The following CPQ variants were observed in gnomAD, a reference collection of about 807,000 sequenced individuals.
CPQ encodes carboxypeptidase Q.
Under a neutral mutation model 45.7 loss-of-function variants are expected in CPQ, and 37 were observed. The ratio of observed to expected loss-of-function variants is 0.81; its 90% CI spans 0.62 to 1.07. The LOEUF (loss-of-function observed/expected upper bound fraction) is 1.07. Ranked by LOEUF, CPQ falls within the 50% of genes least tolerant of loss-of-function variation. The pLI is 0.00. For missense variants in CPQ, 537 were observed against 572.9 expected (o/e 0.94, Z 0.64); for synonymous variants, 186 against 205.8 (o/e 0.90, Z 0.82).
At chr8:96,819,731 G>A (rs1811276466) in intron 2 of CPQ, among the ~76,000 whole-genome samples, 1 of 152,042 alleles carries the variant, frequency 6.6e-6, no homozygotes. Flanking sequence ...CTGTTGCCAT[G>A]ACCTTTGCTC....
In CPQ at chr8:96,862,249, C is replaced by G. The variant is rs922339153; in HGVS notation, c.642-17549C>G. Among the ~76,000 whole-genome samples the G allele has an allele frequency of 7.3e-5, 11 of 149,852 alleles. No homozygotes were observed. In the Admixed American group the frequency reaches 7.3e-4, roughly 10 times the overall value. On this transcript the variant is annotated intron_variant, in intron 3 of 7. Coordinates refer to ENST00000220763, the MANE Select transcript of CPQ (RefSeq NM_016134.4). ...CCTTTCTAAATCTCAGATTACTCAT[C>G]TTTAATATGGGGACAATAATATTGA...
intron 4 of CPQ, among the ~76,000 whole-genome samples, chr8:96,929,226 AG>A (rs2130917169): frequency 1.3e-5 from 2 of 152,302 alleles, no homozygotes; most frequent in South Asian, 4.1e-4. Flanking sequence ...ACCCTTTCAA[AG>A]GCAAAGGAAT....
intron 7 of CPQ, among the ~76,000 whole-genome samples, chr8:97,087,407 G>T (rs1469843709): frequency 6.6e-6 from 1 of 152,056 alleles, no homozygotes; most frequent in Non-Finnish European, 1.5e-5. Context: ...TGCCGACTTG[G>T]GGGGTCAAGG....
At chr8:97,139,534 T>C (rs1417441074) in intron 7 of CPQ, among the ~76,000 whole-genome samples, 6 of 152,100 alleles carry the variant, frequency 3.9e-5, no homozygotes, top group Admixed American at 1.3e-4. Context: ...AAAGAATCTA[T>C]ATCATACAGC....
chr8:96,755,001 C>G (rs1390608832), intron 1 of CPQ, among the ~76,000 whole-genome samples: 1 of 151,990 alleles, frequency 6.6e-6, no homozygotes, highest in Non-Finnish European at 1.5e-5. Context: ...AAATTCATCA[C>G]TGTTCACCCT....
chr8:96,713,533 G>A (rs1809639908), intron 1 of CPQ, among the ~76,000 whole-genome samples: 2 of 152,194 alleles, frequency 1.3e-5, no homozygotes, highest in Admixed American at 6.5e-5. Flanking sequence ...AGCAAGAAGT[G>A]CAGAGTGAAG....
chr8:96,940,524 A>G (rs1813111774), intron 4 of CPQ, among the ~76,000 whole-genome samples: 1 of 152,120 alleles, frequency 6.6e-6, no homozygotes, highest in African/African-American at 2.4e-5. Flanking sequence ...ATTCACTAAA[A>G]CCCAGTGGAG....
At chr8:97,004,502 T>C (rs1809345434) in intron 5 of CPQ, among the ~76,000 whole-genome samples, 1 of 152,080 alleles carries the variant, frequency 6.6e-6, no homozygotes, top group Non-Finnish European at 1.5e-5. Flanking sequence ...CAATACTGTA[T>C]ACATCAAGAG....
intron 1 of CPQ, among the ~76,000 whole-genome samples, chr8:96,714,444 C>A (rs1286498023): frequency 6.6e-6 from 1 of 152,136 alleles, no homozygotes; most frequent in Non-Finnish European, 1.5e-5. Flanking sequence ...CTTTCCTCTG[C>A]ATTTTGTAAT....
rs200886695 is a variant in CPQ at position 96,720,276 on chromosome 8, T to TA, written c.-34-64580dup. Among the ~76,000 whole-genome samples, 71 of 152,222 alleles carry TA rather than the reference T, an allele frequency of 4.7e-4. 1 individual carries two copies. The South Asian group carries it at 1.0e-2, about 21-fold the overall frequency. On this transcript the variant is annotated intron_variant, in intron 1 of 7. Transcript: ENST00000220763. ...GATTGGTTTCTATTGATTACTTTTT[T>TA]AAAAAAAACTGTGGATCACGTGTTC...
intron 5 of CPQ, among the ~76,000 whole-genome samples, chr8:97,003,961 A>G (rs1052847606): frequency 1.3e-5 from 2 of 152,204 alleles, no homozygotes; most frequent in Non-Finnish European, 1.5e-5. Flanking sequence ...AAACAGTAAT[A>G]TTGAACATAT....
intron 1 of CPQ, among the ~76,000 whole-genome samples, chr8:96,730,862 C>CATATATATATATATATAT (rs1490194461): frequency 1.0e-4 from 3 of 29,380 alleles, no homozygotes; most frequent in African/African-American, 2.8e-4. Flanking sequence ...ATTAACCATA[C>CATATATATATATATATAT]ATACATATAT....
intron 1 of CPQ, among the ~76,000 whole-genome samples, chr8:96,686,868 T>G (rs1375451466): frequency 6.6e-6 from 1 of 152,196 alleles, no homozygotes; most frequent in African/African-American, 2.4e-5. Flanking sequence ...TTAAAACAGA[T>G]AGTGATATGT....
chr8:96,696,505 G>T (rs889577938), intron 1 of CPQ, among the ~76,000 whole-genome samples: 1 of 150,506 alleles, frequency 6.6e-6, no homozygotes, highest in Non-Finnish European at 1.5e-5. Flanking sequence ...ATTAGTAGAA[G>T]AAAATAAATA....
At chr8:96,744,466 C>A (rs999493544) in intron 1 of CPQ, among the ~76,000 whole-genome samples, 4 of 152,142 alleles carry the variant, frequency 2.6e-5, no homozygotes, top group Admixed American at 2.6e-4. Flanking sequence ...AGCTGTAGAC[C>A]GGAGGTGTTC....
intron 1 of CPQ, among the ~76,000 whole-genome samples, chr8:96,739,284 C>T (rs1430091784): frequency 4.0e-5 from 6 of 148,710 alleles, no homozygotes; most frequent in African/African-American, 1.5e-4. Context: ...TGTTCATGTC[C>T]TTTGCCCACT....
chr8:97,071,459 G>A (rs774490539), intron 7 of CPQ, among the ~76,000 whole-genome samples: 2 of 152,004 alleles, frequency 1.3e-5, no homozygotes, highest in African/African-American at 4.8e-5. Context: ...TCATTAGCAG[G>A]CACTATAATT....
At chr8:96,672,867 G>C (rs186590692) in intron 1 of CPQ, among the ~76,000 whole-genome samples, 8 of 152,162 alleles carry the variant, frequency 5.3e-5, no homozygotes, top group African/African-American at 1.9e-4. Context: ...TTAGATTCAG[G>C]GGGTACATGT....
At chr8:97,123,718 A>G (rs1811796463) in intron 7 of CPQ, among the ~76,000 whole-genome samples, 1 of 152,116 alleles carries the variant, frequency 6.6e-6, no homozygotes, top group South Asian at 2.1e-4. Flanking sequence ...AAAGACAGAA[A>G]TCGTCAAACT....
Sources: gnomAD v4.1 joint callset for allele counts (sites outside exome capture counted in the v4.1 genomes callset) on GRCh38, gnomAD v4.1.1 for gene constraint, MANE v1.5 for transcripts, NCBI Gene and HGNC (gene_info 2026-07-23, HGNC 2026-07-21) for gene names.